DLG2: variants seen among roughly 807,000 people sequenced by gnomAD.
DLG2 encodes the protein disks large homolog 2.
DLG2 carries 45 observed loss-of-function variants against 132.5 expected under a neutral mutation model. The ratio of observed to expected loss-of-function variants is 0.34; its 90% CI spans 0.27 to 0.44. The LOEUF is 0.44. DLG2 is among the 20% of genes least tolerant of loss of function. The pLI, the probability that DLG2 is intolerant of heterozygous loss-of-function variation, is 1.00. For synonymous variants in DLG2, 424 were observed against 419.6 expected, an observed-to-expected ratio of 1.01 and a Z score of -0.13; for missense variants, 1,045 against 1,196.9, an observed-to-expected ratio of 0.87 and a Z score of 1.87.
At chr11:84,899,712 C>T (rs181947667) in intron 6 of DLG2, among the ~76,000 whole-genome samples, 45 of 152,182 alleles carry the variant, frequency 3.0e-4, no homozygotes, top group African/African-American at 1.1e-3. Context: ...CAGGGAGCAT[C>T]TTCACCACTC....
intron 18 of DLG2, among the ~76,000 whole-genome samples, chr11:83,653,927 C>T (rs1388179062): frequency 1.3e-5 from 2 of 152,116 alleles, no homozygotes; most frequent in Non-Finnish European, 2.9e-5. Context: ...AACATGTTGG[C>T]CATGCTCGTC....
At chr11:85,172,457 C>G (rs2078943994) in intron 4 of DLG2, among the ~76,000 whole-genome samples, 1 of 152,164 alleles carries the variant, frequency 6.6e-6, no homozygotes, top group Admixed American at 6.5e-5. Context: ...AAACCCCATT[C>G]AAAGGTCAGC....
chr11:84,961,626 T>C (rs544690054), intron 6 of DLG2, among the ~76,000 whole-genome samples: 14 of 151,764 alleles, frequency 9.2e-5, no homozygotes, highest in African/African-American at 2.7e-4. Context: ...AGTTCATTCA[T>C]CCATTCACCA....
At chr11:85,425,039 AAAAAACAAACCCACCACAT>A (rs1430943488) in intron 3 of DLG2, among the ~76,000 whole-genome samples, 4 of 40,484 alleles carry the variant, frequency 9.9e-5, no homozygotes, top group Non-Finnish European at 3.5e-4. Flanking sequence ...CAAACAAACA[AAAAAACAAACCCACCACAT>A]AAATTCATGC....
intron 8 of DLG2, among the ~76,000 whole-genome samples, chr11:84,240,770 A>G (rs1051140495): frequency 1.3e-5 from 2 of 152,232 alleles, no homozygotes; most frequent in Admixed American, 1.3e-4. Context: ...GGTGATCACT[A>G]TTAAGTCTTT....
chr11:84,690,429 T>C lies in DLG2; in HGVS notation c.358-155698A>G, dbSNP rs375717895. ...ACAATTATTTGTCAATCGGAATAAA[T>C]TGTATTTAAAAATACTTAGATTGGA... On this transcript the variant is annotated intron_variant, in intron 6 of 27. Transcript: ENST00000376104. 3.3e-5 allele frequency among the ~76,000 whole-genome samples: 5 copies of C among 151,700 alleles called. No individual in the cohort carries two copies. In the East Asian group the frequency reaches 5.8e-4, roughly 18 times the overall value.
At chr11:85,153,988 T>C (rs917829867) in intron 5 of DLG2, among the ~76,000 whole-genome samples, 11 of 152,168 alleles carry the variant, frequency 7.2e-5, no homozygotes, top group Non-Finnish European at 1.5e-5. Flanking sequence ...AAGGTTGGCA[T>C]ATTTGTATCC....
intron 6 of DLG2, among the ~76,000 whole-genome samples, chr11:84,751,413 T>C (rs1426053359): frequency 6.6e-6 from 1 of 152,090 alleles, no homozygotes; most frequent in Non-Finnish European, 1.5e-5. Context: ...GGTATTATTG[T>C]AAAAACTGTA....
chr11:84,418,359 C>A (rs902855782), intron 7 of DLG2, among the ~76,000 whole-genome samples: 1 of 152,084 alleles, frequency 6.6e-6, no homozygotes, highest in Non-Finnish European at 1.5e-5. Context: ...AGAAGAGCAA[C>A]AATACTAGTC....
intron 7 of DLG2, among the ~76,000 whole-genome samples, chr11:84,527,558 T>G (rs190216668): frequency 6.6e-6 from 1 of 152,200 alleles, no homozygotes; most frequent in Non-Finnish European, 1.5e-5. Flanking sequence ...TTCCCAGAAC[T>G]GTTTATTCCA....
intron 6 of DLG2, among the ~76,000 whole-genome samples, chr11:85,053,633 A>C (rs1192215445): frequency 2.1e-5 from 1 of 48,102 alleles, no homozygotes; most frequent in African/African-American, 7.9e-5. Context: ...CTAAAAATAC[A>C]AAAAAAAAAA....
At chr11:84,127,314 T>C (rs887137996) in intron 9 of DLG2, among the ~76,000 whole-genome samples, 3 of 152,134 alleles carry the variant, frequency 2.0e-5, no homozygotes, top group Non-Finnish European at 2.9e-5. Context: ...ATTCCAATAC[T>C]CCCCAGTGAT....
At chr11:84,746,604 A>G (rs1166608363) in intron 6 of DLG2, among the ~76,000 whole-genome samples, 2 of 152,214 alleles carry the variant, frequency 1.3e-5, no homozygotes, top group Non-Finnish European at 2.9e-5. Flanking sequence ...GCAGAGTCCA[A>G]TGAGTTGTTA....
intron 6 of DLG2, among the ~76,000 whole-genome samples, chr11:85,063,227 G>A (rs78573309): frequency 0.019 from 2,944 of 151,820 alleles, 50 homozygotes; most frequent in Admixed American, 0.041. Flanking sequence ...TGCATCCAAT[G>A]ATCCCCATAG....
intron 3 of DLG2, among the ~76,000 whole-genome samples, chr11:85,419,812 A>AG (rs2152993150): frequency 6.6e-6 from 1 of 152,274 alleles, no homozygotes; most frequent in East Asian, 1.9e-4. Flanking sequence ...TCAACTGGTT[A>AG]TTCTAGTTAG....
At chr11:85,191,162 G>GCGCGCACACACACACACACACA (rs34410192) in intron 4 of DLG2, among the ~76,000 whole-genome samples, 2 of 139,924 alleles carry the variant, frequency 1.4e-5, no homozygotes, top group African/African-American at 5.5e-5. Flanking sequence ...GCGCACGCGC[G>GCGCGCACACACACACACACACA]CACACACACA....
At chr11:84,110,970 TAAAGA>T (rs1342959604) in intron 9 of DLG2, among the ~76,000 whole-genome samples, 1 of 151,994 alleles carries the variant, frequency 6.6e-6, no homozygotes, top group African/African-American at 2.4e-5. Context: ...GAGGAACACA[TAAAGA>T]AAAGTGCTTG....
At chr11:85,394,014 A>C (rs1447767719) in intron 3 of DLG2, among the ~76,000 whole-genome samples, 1 of 152,188 alleles carries the variant, frequency 6.6e-6, no homozygotes, top group African/African-American at 2.4e-5. Context: ...TGAAGAACTT[A>C]TTCATGTAAC....
At chr11:85,036,128 T>C (rs761283242) in intron 6 of DLG2, among the ~76,000 whole-genome samples, 16 of 152,226 alleles carry the variant, frequency 1.1e-4, no homozygotes, top group Non-Finnish European at 2.2e-4. Flanking sequence ...CTCAAAATGT[T>C]ATCCCTCTGC....
Sources: gnomAD v4.1 joint callset for allele counts (sites outside exome capture counted in the v4.1 genomes callset) on GRCh38, gnomAD v4.1.1 for gene constraint, MANE v1.5 for transcripts, NCBI Gene and HGNC (gene_info 2026-07-23, HGNC 2026-07-21) for gene names.